Variants in TBC1D5 observed in about 807,000 individuals in gnomAD.
TBC1D5 encodes the protein TBC1 domain family member 5.
A neutral mutation model predicts 100.3 loss-of-function variants in TBC1D5; 75 were observed. The ratio of observed to expected loss-of-function variants is 0.75; its 90% confidence interval spans 0.62 to 0.91. The LOEUF is 0.91. Ranked by LOEUF, TBC1D5 falls within the 40% of genes least tolerant of loss-of-function variation. TBC1D5 has a pLI of 0.00. For synonymous variants in TBC1D5, 323 were observed against 325.6 expected (o/e 0.99, Z 0.09); for missense variants, 910 against 942.4 (o/e 0.97, Z 0.45).
intron 2 of TBC1D5, among the ~76,000 whole-genome samples, chr3:17,538,347 T>C (rs771175094): frequency 2.6e-5 from 4 of 152,150 alleles, no homozygotes; most frequent in Non-Finnish European, 5.9e-5. Flanking sequence ...AATGGCCTCT[T>C]ATACGACCTT....
chr3:17,682,532 C>A (rs1415758619), intron 1 of TBC1D5, among the ~76,000 whole-genome samples: 1 of 151,340 alleles, frequency 6.6e-6, no homozygotes, highest in South Asian at 2.1e-4. Context: ...AGAAAACATT[C>A]TTAAAGATAT....
chr3:17,586,254 C>T (rs1401766401), intron 2 of TBC1D5: 1 of 152,092 alleles, frequency 6.6e-6, no homozygotes, highest in East Asian at 1.9e-4. Flanking sequence ...AACACACATA[C>T]CTTTTTTTTG....
chr3:17,405,786 C>T (rs2093755579), intron 5 of TBC1D5, among the ~76,000 whole-genome samples: 1 of 151,816 alleles, frequency 6.6e-6, no homozygotes, highest in South Asian at 2.1e-4. Flanking sequence ...TGCAGATAAC[C>T]CTAAAAACTT....
At chr3:17,695,920 A>T (rs2071986853) in intron 1 of TBC1D5, among the ~76,000 whole-genome samples, 1 of 152,230 alleles carries the variant, frequency 6.6e-6, no homozygotes, top group African/African-American at 2.4e-5. Context: ...AGTGCAATCA[A>T]ATTACAACTC....
chr3:17,532,641 G>A (rs1274971229), intron 2 of TBC1D5, among the ~76,000 whole-genome samples: 1 of 152,154 alleles, frequency 6.6e-6, no homozygotes, highest in African/African-American at 2.4e-5. Flanking sequence ...ATATACCATG[G>A]AATACTATGC....
intron 2 of TBC1D5, among the ~76,000 whole-genome samples, chr3:17,549,925 G>A (rs1302305716): frequency 6.6e-6 from 1 of 150,670 alleles, no homozygotes; most frequent in Non-Finnish European, 1.5e-5. Context: ...ATGAGACTCT[G>A]TCTAAAATAA....
intron 1 of TBC1D5, among the ~76,000 whole-genome samples, chr3:17,660,276 A>G (rs1258483801): frequency 1.3e-5 from 2 of 152,252 alleles, no homozygotes; most frequent in African/African-American, 4.8e-5. Context: ...GGAGTGGATT[A>G]GAACTTTTAT....
At chr3:17,648,122 C>T (rs1245405108) in intron 1 of TBC1D5, among the ~76,000 whole-genome samples, 1 of 152,084 alleles carries the variant, frequency 6.6e-6, no homozygotes, top group Admixed American at 6.6e-5. Context: ...GGTACGGGTA[C>T]AAAAACAGGC....
At chr3:17,709,951 G>T (rs1367561439) in intron 1 of TBC1D5, among the ~76,000 whole-genome samples, 6 of 152,134 alleles carry the variant, frequency 3.9e-5, no homozygotes, top group Admixed American at 1.3e-4. Context: ...AGTAGGAAAA[G>T]TATCTGTCCT....
chr3:17,202,717 G>A (rs982488946), intron 18 of TBC1D5, among the ~76,000 whole-genome samples: 30 of 152,346 alleles, frequency 2.0e-4, no homozygotes, highest in African/African-American at 5.1e-4. Flanking sequence ...CTAAGATATC[G>A]CAGGCTGTTG....
At chr3:17,557,507 A>G (rs1197460002) in intron 2 of TBC1D5, among the ~76,000 whole-genome samples, 2 of 152,176 alleles carry the variant, frequency 1.3e-5, no homozygotes, top group Non-Finnish European at 2.9e-5. Context: ...ACTTCCATTT[A>G]TGGTCTACCT....
intron 2 of TBC1D5, among the ~76,000 whole-genome samples, chr3:17,521,304 C>T (rs2096061054): frequency 6.6e-6 from 1 of 152,196 alleles, no homozygotes; most frequent in Non-Finnish European, 1.5e-5. Flanking sequence ...AACCTCTCCC[C>T]TTCCACCTCC....
intron 13 of TBC1D5, among the ~76,000 whole-genome samples, chr3:17,322,341 T>A (rs74510189): frequency 1.3e-5 from 2 of 152,230 alleles, no homozygotes; most frequent in Non-Finnish European, 2.9e-5. Context: ...TAGAATAGGG[T>A]TGACTTTATT....
chr3:17,299,676 G>C (rs2082623813), intron 14 of TBC1D5, among the ~76,000 whole-genome samples: 1 of 151,974 alleles, frequency 6.6e-6, no homozygotes, highest in Admixed American at 6.6e-5. Flanking sequence ...GGCTAACATG[G>C]TGAAACCCCG....
At chr3:17,241,445 A>G (rs940120679) in intron 16 of TBC1D5, among the ~76,000 whole-genome samples, 1 of 152,206 alleles carries the variant, frequency 6.6e-6, no homozygotes, top group African/African-American at 2.4e-5. Context: ...AAGACATTGA[A>G]TATCAAATCT....
At chr3:17,285,385 C>G (rs960951520) in intron 15 of TBC1D5, among the ~76,000 whole-genome samples, 1 of 150,348 alleles carries the variant, frequency 6.7e-6, no homozygotes, top group Non-Finnish European at 1.5e-5. Flanking sequence ...CTCAGCCTCC[C>G]GAGTAGCTGG....
At chr3:17,603,651 T>C (rs984551131) in intron 2 of TBC1D5, among the ~76,000 whole-genome samples, 1 of 152,060 alleles carries the variant, frequency 6.6e-6, no homozygotes, top group Non-Finnish European at 1.5e-5. Context: ...CATTCTTTTA[T>C]TCTGGCTTTT....
chr3:17,545,306 T>C (rs1233981428), intron 2 of TBC1D5, among the ~76,000 whole-genome samples: 1 of 152,178 alleles, frequency 6.6e-6, no homozygotes, highest in Non-Finnish European at 1.5e-5. Flanking sequence ...GATGACCATG[T>C]GAAGACACAG....
chr3:17,683,530 G>A (rs1456005645), intron 1 of TBC1D5, among the ~76,000 whole-genome samples: 3 of 146,446 alleles, frequency 2.0e-5, no homozygotes, highest in Non-Finnish European at 2.9e-5. Flanking sequence ...TATACAAAAC[G>A]AATATACTTT....
Sources: allele counts gnomAD v4.1 joint callset (sites outside exome capture counted in the v4.1 genomes callset), GRCh38; gene constraint gnomAD v4.1.1; transcripts MANE v1.5; gene names NCBI Gene and HGNC (gene_info 2026-07-23, HGNC 2026-07-21).